The following MAST4 variants were observed in gnomAD, a reference collection of about 807,000 sequenced individuals.
The protein encoded by MAST4 is microtubule associated serine/threonine kinase family member 4.
In MAST4, 89 loss-of-function variants were observed where a neutral mutation model predicts 162.7. The ratio of observed to expected loss-of-function variants is 0.55; its 90% CI spans 0.46 to 0.65. The LOEUF (loss-of-function observed/expected upper bound fraction) is 0.65, where lower values mean the gene tolerates loss of function less well. Ranked by LOEUF, MAST4 falls within the 30% of genes least tolerant of loss-of-function variation. MAST4 has a pLI of 0.00. For missense variants in MAST4, 3,153 were observed against 3,374.0 expected, an observed-to-expected ratio of 0.93 and a Z score of 1.62; for synonymous variants, 1,479 against 1,361.1, an observed-to-expected ratio of 1.09 and a Z score of -1.91.
At chr5:66,708,411 GT>G (rs1373677241) in intron 1 of MAST4, among the ~76,000 whole-genome samples, 1 of 152,134 alleles carries the variant, frequency 6.6e-6, no homozygotes, top group African/African-American at 2.4e-5. Flanking sequence ...GAATTTTGTT[GT>G]TAAAGGAGCA....
At chr5:67,070,984 A>G (rs1760901717) in intron 5 of MAST4, among the ~76,000 whole-genome samples, 1 of 152,184 alleles carries the variant, frequency 6.6e-6, no homozygotes, top group Non-Finnish European at 1.5e-5. Flanking sequence ...AAGAAACTAT[A>G]CTTTCCAGTA....
At position 66,600,187 on chromosome 5, in the gene MAST4, A is replaced by G. The variant is rs537372766; in HGVS notation, c.363+3169A>G. Among the ~76,000 whole-genome samples the G allele has an allele frequency of 4.6e-5, 7 of 152,360 alleles. No individual in the cohort carries two copies. The South Asian group carries it at 1.4e-3, about 32-fold the overall frequency. Reference sequence around the variant, plus strand: ...CTTAAAAACAGTAGTTTAATGTGACAGTAATGGTAGTTTTTATGTCAAACA... The same window carrying G: ...CTTAAAAACAGTAGTTTAATGTGACGGTAATGGTAGTTTTTATGTCAAACA... On this transcript the variant is annotated intron_variant, in intron 1 of 28. Transcript: ENST00000403625.
chr5:66,955,687 G>A (rs1298051317), intron 4 of MAST4, among the ~76,000 whole-genome samples: 2 of 152,092 alleles, frequency 1.3e-5, no homozygotes, highest in East Asian at 3.9e-4. Context: ...AAATATTTTT[G>A]TATGTGTCTA....
intron 1 of MAST4, among the ~76,000 whole-genome samples, chr5:66,618,582 A>T (rs1168004496): frequency 6.6e-6 from 1 of 152,238 alleles, no homozygotes; most frequent in Non-Finnish European, 1.5e-5. Context: ...ATGTCTCATT[A>T]CAGAACTAAA....
chr5:66,993,920 A>ACCCCCCCCCCCCCCCCC (rs55759396), intron 4 of MAST4, among the ~76,000 whole-genome samples: 3 of 57,688 alleles, frequency 5.2e-5, no homozygotes, highest in South Asian at 8.9e-4. Flanking sequence ...TGTGCAGAAG[A>ACCCCCCCCCCCCCCCCC]CCCCCCCCCC....
At chr5:66,928,913 C>T (rs972187961) in intron 4 of MAST4, among the ~76,000 whole-genome samples, 2 of 152,038 alleles carry the variant, frequency 1.3e-5, no homozygotes, top group Non-Finnish European at 2.9e-5. Flanking sequence ...ATGCTCTTGC[C>T]CAGAATTAAA....
At chr5:66,719,966 G>A (rs1234788824) in intron 1 of MAST4, among the ~76,000 whole-genome samples, 2 of 152,122 alleles carry the variant, frequency 1.3e-5, no homozygotes, top group African/African-American at 2.4e-5. Flanking sequence ...AGAGAGTTAT[G>A]TATCAGCAGT....
intron 4 of MAST4, among the ~76,000 whole-genome samples, chr5:67,012,959 C>T (rs995446355): frequency 4.6e-5 from 7 of 152,132 alleles, no homozygotes; most frequent in African/African-American, 1.7e-4. Context: ...AGGCTTTGAT[C>T]AGTACTTGAA....
At chr5:66,725,695 A>G (rs1354525355) in intron 1 of MAST4, among the ~76,000 whole-genome samples, 1 of 152,064 alleles carries the variant, frequency 6.6e-6, no homozygotes, top group African/African-American at 2.4e-5. Flanking sequence ...ATTTCTTTCC[A>G]TTCTGTGTCT....
At chr5:66,853,041 C>T (rs778591801) in intron 3 of MAST4, among the ~76,000 whole-genome samples, 7 of 152,192 alleles carry the variant, frequency 4.6e-5, no homozygotes, top group Non-Finnish European at 8.8e-5. Context: ...AATCAAGTCC[C>T]TTTGTGATTT....
At chr5:66,784,267 A>AT (rs1377832953) in intron 2 of MAST4, among the ~76,000 whole-genome samples, 2 of 152,136 alleles carry the variant, frequency 1.3e-5, no homozygotes, top group South Asian at 2.1e-4. Context: ...TACAAAACAC[A>AT]TTTTTTGCTA....
intron 1 of MAST4, among the ~76,000 whole-genome samples, chr5:66,650,686 A>G (rs542194588): frequency 2.6e-5 from 4 of 152,318 alleles, no homozygotes; most frequent in East Asian, 1.9e-4. Context: ...TGGCTCCAGT[A>G]TATCAGTGGG....
chr5:67,076,515 T>C (rs1761667622), intron 5 of MAST4, among the ~76,000 whole-genome samples: 1 of 152,204 alleles, frequency 6.6e-6, no homozygotes, highest in Admixed American at 6.5e-5. Flanking sequence ...ATTAGCAACA[T>C]CATCCACCTT....
rs555316244 is a variant in MAST4 at position 66,929,674 on chromosome 5, T to C, written c.674+29692T>C. 1.9e-4 allele frequency among the ~76,000 whole-genome samples: 29 copies of C among 152,276 alleles called. No individual in the cohort carries two copies. In the South Asian group the frequency reaches 3.3e-3, roughly 17 times the overall value. Reference sequence around the variant, plus strand: ...AGTTATGTTACTATCTGCTGGCTGATGAGATGTAAGCAGAGGGAATTAAAT... The same window carrying C: ...AGTTATGTTACTATCTGCTGGCTGACGAGATGTAAGCAGAGGGAATTAAAT... On this transcript the variant is annotated intron_variant, in intron 4 of 28. Transcript: ENST00000403625.
intron 11 of MAST4, among the ~76,000 whole-genome samples, chr5:67,111,956 C>T (rs572785936): frequency 3.3e-5 from 5 of 152,230 alleles, no homozygotes; most frequent in African/African-American, 1.2e-4. Flanking sequence ...CCTTACAGTA[C>T]CCAGGCTTGC....
At chr5:66,961,307 A>G in intron 4 of MAST4, among the ~76,000 whole-genome samples, 1 of 152,324 alleles carries the variant, frequency 6.6e-6, no homozygotes, top group African/African-American at 2.4e-5. Flanking sequence ...TACAGTCTTA[A>G]CTCACACAGC....
intron 4 of MAST4, among the ~76,000 whole-genome samples, chr5:66,922,433 T>C (rs1020459496): frequency 2.6e-5 from 4 of 152,222 alleles, no homozygotes; most frequent in African/African-American, 7.2e-5. Context: ...GGTTAACTCA[T>C]GTCAAAGGAC....
chr5:66,707,063 T>C (rs1223374965), intron 1 of MAST4, among the ~76,000 whole-genome samples: 1 of 152,138 alleles, frequency 6.6e-6, no homozygotes, highest in Non-Finnish European at 1.5e-5. Flanking sequence ...GGCTCTGTCT[T>C]CTGTCCCTTA....
intron 4 of MAST4, among the ~76,000 whole-genome samples, chr5:67,033,463 G>A (rs925516568): frequency 4.6e-5 from 7 of 151,440 alleles, no homozygotes; most frequent in African/African-American, 7.3e-5. Flanking sequence ...ATAGGCATAG[G>A]CAGGATTTAT....
Sources: gnomAD v4.1 joint callset for allele counts (sites outside exome capture counted in the v4.1 genomes callset) on GRCh38, gnomAD v4.1.1 for gene constraint, MANE v1.5 for transcripts, NCBI Gene and HGNC (gene_info 2026-07-23, HGNC 2026-07-21) for gene names.